The following MAP4K3 variants were observed in gnomAD, a reference collection of about 807,000 sequenced individuals.
MAP4K3 encodes mitogen-activated protein kinase kinase kinase kinase 3, also known as MAPK/ERK kinase kinase kinase 3.
MAP4K3 carries 94 observed loss-of-function variants against 143.5 expected under a neutral mutation model. The observed-to-expected ratio is 0.65, with a 90% CI of 0.55 to 0.78. MAP4K3 has a LOEUF of 0.78. Among genes scored for constraint, MAP4K3 ranks in the 30% least tolerant of loss-of-function variants. The pLI, the probability that MAP4K3 is intolerant of heterozygous loss-of-function variation, is 0.00. For missense variants in MAP4K3, 1,077 were observed against 1,068.1 expected, an observed-to-expected ratio of 1.01 and a Z score of -0.12; for synonymous variants, 416 against 347.2, an observed-to-expected ratio of 1.20 and a Z score of -2.20.
At chr2:39,315,513 G>C in intron 12 of MAP4K3, 125 bp from the exon 13 acceptor site, 2 of 503,160 alleles carry the variant, frequency 4.0e-6, no homozygotes, top group South Asian at 5.6e-5. Flanking sequence ...ACAGCACTTT[G>C]CAAATTTTTT....
chr2:39,271,038 A>G (rs1159043650), intron 26 of MAP4K3, among the ~76,000 whole-genome samples: 1 of 152,144 alleles, frequency 6.6e-6, no homozygotes, highest in Non-Finnish European at 1.5e-5. Flanking sequence ...AGAGCTGAAC[A>G]CATGGGGAAA....
chr2:39,414,649 G>A (rs907589856), intron 1 of MAP4K3, among the ~76,000 whole-genome samples: 2 of 152,160 alleles, frequency 1.3e-5, no homozygotes, highest in Non-Finnish European at 2.9e-5. Context: ...GCCCAGGTGG[G>A]CGGATCACGA....
intron 15 of MAP4K3, among the ~76,000 whole-genome samples, chr2:39,304,351 C>T (rs1682617392): frequency 6.6e-6 from 1 of 152,164 alleles, no homozygotes; most frequent in South Asian, 2.1e-4. Flanking sequence ...AGGGTTTTTA[C>T]CTTGGTGCCA....
chr2:39,252,567 C>G (rs1345354768), intron 32 of MAP4K3, among the ~76,000 whole-genome samples: 1 of 152,148 alleles, frequency 6.6e-6, no homozygotes, highest in Admixed American at 6.5e-5. Flanking sequence ...CTCAGTGTGA[C>G]CAACTACCAG....
In MAP4K3 at chr2:39,436,908, T is replaced by G. The variant is rs765225291; in HGVS notation, c.80A>C (p.Tyr27Ser). Residue 27 changes from tyrosine (Y) to serine (S), a missense_variant, in exon 1 of 34, where the codon TAC becomes TCC. Coordinates refer to ENST00000263881, the MANE Select transcript of MAP4K3 (RefSeq NM_003618.4). ...TGCCTTTACCTTGTAGACGTCGCCG[T>G]AGGTGCCGCTGCCGATGCGCTGAAT... ...ELIQRIGSGT[Y>S]GDVYKARNVN... 6.2e-7 allele frequency: 1 copy of G among 1,611,406 alleles called. No homozygotes were observed. The highest frequency in any genetic ancestry group is 1.1e-5 in the South Asian group (1 of 90,888).
chr2:39,436,992 G>A lies in MAP4K3; in HGVS notation c.-5C>T, dbSNP rs1164519042. ...CAAATCGAAGCCGGGGTTCATGGCG[G>A]GCCCCAGGTGCCCCCCGCCTCCCTC... On this transcript the variant is annotated 5_prime_UTR_variant, in exon 1 of 34. Coordinates refer to ENST00000263881, the MANE Select transcript of MAP4K3 (RefSeq NM_003618.4). 9.9e-6 allele frequency: 16 copies of A among 1,608,590 alleles called. No homozygotes were observed. Among genetic ancestry groups the A allele is most frequent in the Non-Finnish European group, 1.4e-5 (16 of 1,177,654 alleles).
chr2:39,328,528 C>G (rs938647501), intron 8 of MAP4K3, among the ~76,000 whole-genome samples: 1 of 151,968 alleles, frequency 6.6e-6, no homozygotes, highest in East Asian at 1.9e-4. Flanking sequence ...AATATAGAGA[C>G]AGAAATCAGA....
intron 2 of MAP4K3, among the ~76,000 whole-genome samples, chr2:39,358,408 C>A (rs1216521108): frequency 6.6e-6 from 1 of 152,142 alleles, no homozygotes; most frequent in South Asian, 2.1e-4. Flanking sequence ...GACTGTAAAT[C>A]CAGAATATCA....
chr2:39,249,953 T>C lies in MAP4K3; in HGVS notation c.*665A>G, dbSNP rs997694806. ...TGCTTCACATAGAAAACAATCCAAA[T>C]ACATTTGTGGAGCCAAATGCTTATA... On this transcript the variant is annotated 3_prime_UTR_variant, in exon 34 of 34. Coordinates refer to ENST00000263881, the MANE Select transcript of MAP4K3 (RefSeq NM_003618.4). 1.3e-5 allele frequency: 2 copies of C among 152,302 alleles called. No homozygotes were observed. The highest frequency in any genetic ancestry group is 4.8e-5 in the African/African-American group (2 of 41,472). The allele number at this position is 152,302 out of a possible 1,614,324, so 9.4% of individuals were successfully genotyped here.
intron 22 of MAP4K3, among the ~76,000 whole-genome samples, chr2:39,280,920 G>C (rs1445518533): frequency 6.6e-6 from 1 of 151,870 alleles, no homozygotes; most frequent in Non-Finnish European, 1.5e-5. Flanking sequence ...TCATTAAAAA[G>C]CTTAACTCTT....
At chr2:39,427,063 G>C (rs917025988) in intron 1 of MAP4K3, among the ~76,000 whole-genome samples, 1 of 151,948 alleles carries the variant, frequency 6.6e-6, no homozygotes, top group African/African-American at 2.4e-5. Flanking sequence ...AATCTTAAAA[G>C]TCAAACAGGG....
intron 1 of MAP4K3, among the ~76,000 whole-genome samples, chr2:39,419,241 G>GT (rs1411342970): frequency 6.6e-6 from 1 of 151,580 alleles, no homozygotes; most frequent in East Asian, 1.9e-4. Flanking sequence ...AAACAATAGT[G>GT]TTAAAAAAAA....
intron 22 of MAP4K3, among the ~76,000 whole-genome samples, chr2:39,280,742 CT>C (rs1172958983): frequency 1.3e-5 from 2 of 152,070 alleles, no homozygotes; most frequent in Non-Finnish European, 2.9e-5. Flanking sequence ...AGACATTTTT[CT>C]TGTTTGGTTT....
chr2:39,260,568 T>C, intron 29 of MAP4K3, 38 bp downstream of exon 29: 1 of 1,566,210 alleles, frequency 6.4e-7, no homozygotes, highest in Non-Finnish European at 8.8e-7. Flanking sequence ...AAAACCAGTA[T>C]ATGTATTACC....
chr2:39,291,714 C>G (rs188417892), intron 18 of MAP4K3, among the ~76,000 whole-genome samples: 1 of 151,980 alleles, frequency 6.6e-6, no homozygotes, highest in Non-Finnish European at 1.5e-5. Context: ...GGTGGAAACC[C>G]ATCTCTACCA....
intron 1 of MAP4K3, 155 bp downstream of exon 1, chr2:39,436,737 C>G (rs970621252): frequency 1.1e-5 from 7 of 635,036 alleles, no homozygotes; most frequent in East Asian, 8.7e-5. Flanking sequence ...CTTTGTTCAC[C>G]AAGGCAGCAG....
In MAP4K3 at chr2:39,343,515, A is replaced by G. The variant is rs1328411769; in HGVS notation, c.246-63T>C. 4.5e-6 allele frequency: 6 copies of G among 1,343,496 alleles called. No homozygotes were observed. In the East Asian group the frequency reaches 1.4e-4, roughly 31 times the overall value. The allele number at this position is 1,343,496 out of a possible 1,614,324, so 83.2% of individuals were successfully genotyped here. On this transcript the variant is annotated intron_variant, in intron 3 of 33. Transcript: ENST00000263881. ...ATTAAAACTGTCTGTGTGAGGTAAC[A>G]AGTATTTTAAGGTTGTAAGCTGTAA...
intron 2 of MAP4K3, among the ~76,000 whole-genome samples, chr2:39,376,577 T>C (rs1003379469): frequency 1.3e-5 from 2 of 152,180 alleles, no homozygotes; most frequent in African/African-American, 4.8e-5. Context: ...TGCCAGGCCC[T>C]AAGCTCAGTG....
chr2:39,272,701 G>A (rs541985233), intron 24 of MAP4K3, among the ~76,000 whole-genome samples, 159 bp from the exon 25 acceptor site: 1 of 152,010 alleles, frequency 6.6e-6, no homozygotes, highest in African/African-American at 2.4e-5. Context: ...AAACCAAGAT[G>A]ATATATATAC....
Sources: gnomAD v4.1 joint callset for allele counts (sites outside exome capture counted in the v4.1 genomes callset) on GRCh38, gnomAD v4.1.1 for gene constraint, MANE v1.5 for transcripts, NCBI Gene and HGNC (gene_info 2026-07-23, HGNC 2026-07-21) for gene names.